MBNL2: variants seen among roughly 807,000 people sequenced by gnomAD.
MBNL2 encodes muscleblind like splicing regulator 2.
Under a neutral mutation model 41.9 loss-of-function variants are expected in MBNL2, and 17 were observed. The observed-to-expected ratio is 0.41, with a 90% confidence interval of 0.28 to 0.61. MBNL2 has a LOEUF of 0.61. MBNL2 is among the 20% of genes least tolerant of loss of function. MBNL2 has a pLI of 0.35. For missense variants in MBNL2, 336 were observed against 505.6 expected, an observed-to-expected ratio of 0.66 and a Z score of 3.22; for synonymous variants, 195 against 182.9, an observed-to-expected ratio of 1.07 and a Z score of -0.53.
chr13:97,234,366 C>T (rs1206706609), intron 1 of MBNL2, among the ~76,000 whole-genome samples: 1 of 152,158 alleles, frequency 6.6e-6, no homozygotes, highest in African/African-American at 2.4e-5. Context: ...TATATGCAAC[C>T]CAAGACACTG....
At chr13:97,232,158 T>G (rs1431206992) in intron 1 of MBNL2, among the ~76,000 whole-genome samples, 2 of 152,194 alleles carry the variant, frequency 1.3e-5, no homozygotes, top group East Asian at 1.9e-4. Context: ...CAGGCCTGAT[T>G]GTTGAGTCTC....
intron 1 of MBNL2, among the ~76,000 whole-genome samples, chr13:97,272,835 T>A (rs1037636636): frequency 6.6e-6 from 1 of 152,234 alleles, no homozygotes; most frequent in Non-Finnish European, 1.5e-5. Flanking sequence ...TCAATTCAAA[T>A]AAATACTTAA....
intron 8 of MBNL2, among the ~76,000 whole-genome samples, chr13:97,384,197 G>A (rs375124281): frequency 2.0e-5 from 3 of 151,948 alleles, no homozygotes; most frequent in Admixed American, 6.6e-5. Context: ...CACTGCACCC[G>A]GCCTATATTT....
intron 1 of MBNL2, among the ~76,000 whole-genome samples, chr13:97,271,112 G>GTT (rs369155404): frequency 2.0e-3 from 264 of 133,340 alleles, no homozygotes; most frequent in African/African-American, 6.7e-3. Flanking sequence ...GCTCTTTTTT[G>GTT]TTTTTTTTTT....
the MBNL2 span, among the ~76,000 whole-genome samples, chr13:97,160,877 G>A: frequency 6.6e-6 from 1 of 152,110 alleles, no homozygotes; most frequent in Non-Finnish European, 1.5e-5. Flanking sequence ...TATAGTTTGG[G>A]CAAAAGTGGA....
chr13:97,205,613 A>G, the MBNL2 span, among the ~76,000 whole-genome samples: 2 of 152,138 alleles, frequency 1.3e-5, no homozygotes, highest in Admixed American at 1.3e-4. Flanking sequence ...CCTTAGATCA[A>G]TTTTTCCTTG....
chr13:97,372,018 G>C (rs1202173711), intron 8 of MBNL2, among the ~76,000 whole-genome samples: 3 of 152,164 alleles, frequency 2.0e-5, no homozygotes, highest in Non-Finnish European at 2.9e-5. Context: ...ACAGGCTTCT[G>C]CTTAAAGGAA....
At chr13:97,210,646 G>A in the MBNL2 span, among the ~76,000 whole-genome samples, 1 of 128,520 alleles carries the variant, frequency 7.8e-6, no homozygotes, top group Non-Finnish European at 1.5e-5. Context: ...AGGCTGGAGT[G>A]CAGTGGTGCA....
chr13:97,333,606 C>G (rs541606311), intron 2 of MBNL2, among the ~76,000 whole-genome samples: 1 of 152,230 alleles, frequency 6.6e-6, no homozygotes, highest in African/African-American at 2.4e-5. Flanking sequence ...TGTATATCAC[C>G]AAGAAATGTC....
the MBNL2 span, among the ~76,000 whole-genome samples, chr13:97,151,075 G>A: frequency 6.6e-6 from 1 of 152,198 alleles, no homozygotes; most frequent in Non-Finnish European, 1.5e-5. Context: ...AAGAGGAGCA[G>A]GGGCAACAGA....
At chr13:97,228,593 A>C (rs964403735) in intron 1 of MBNL2, among the ~76,000 whole-genome samples, 12 of 139,104 alleles carry the variant, frequency 8.6e-5, no homozygotes, top group African/African-American at 3.0e-4. Context: ...CGGTGGCACT[A>C]TCTCAGCTCA....
chr13:97,267,230 T>C lies in MBNL2; in HGVS notation c.-604-8402T>C, dbSNP rs182978227. ...AAAGCCAGGCTTTCCAGACTCACCCTGCATAACTTAGCAGCTGCAAAAGAA... is the reference window on the plus strand; with the variant it reads ...AAAGCCAGGCTTTCCAGACTCACCCCGCATAACTTAGCAGCTGCAAAAGAA... On this transcript the variant is annotated intron_variant, in intron 1 of 8. Coordinates refer to ENST00000679496, the MANE Select transcript of MBNL2 (RefSeq NM_001382683.1). Among the ~76,000 whole-genome samples, 753 of 152,366 alleles carry C rather than the reference T, an allele frequency of 4.9e-3. 3 individuals are homozygous for C. The highest frequency in any genetic ancestry group is 7.9e-3 in the South Asian group (38 of 4,824).
chr13:97,301,697 C>A (rs2057639222), intron 2 of MBNL2, among the ~76,000 whole-genome samples: 1 of 152,186 alleles, frequency 6.6e-6, no homozygotes, highest in Admixed American at 6.5e-5. Flanking sequence ...GGGAAAGAAA[C>A]CCCACAAGTC....
chr13:97,184,623 C>A, the MBNL2 span, among the ~76,000 whole-genome samples: 1 of 152,210 alleles, frequency 6.6e-6, no homozygotes, highest in South Asian at 2.1e-4. Flanking sequence ...GCTGGGATTA[C>A]AGGCACCCAC....
intron 8 of MBNL2, among the ~76,000 whole-genome samples, chr13:97,369,268 C>T (rs2064144375): frequency 1.3e-5 from 2 of 152,110 alleles, no homozygotes; most frequent in African/African-American, 2.4e-5. Context: ...GAATCATACC[C>T]ACGTGGATTA....
intron 7 of MBNL2, among the ~76,000 whole-genome samples, chr13:97,363,418 C>CTA (rs1427263369): frequency 7.3e-6 from 1 of 136,646 alleles, no homozygotes; most frequent in African/African-American, 2.8e-5. Flanking sequence ...GAAAGAAAAA[C>CTA]TGTGTGTGTG....
chr13:97,347,638 A>G (rs2062010670), intron 5 of MBNL2, among the ~76,000 whole-genome samples: 1 of 152,198 alleles, frequency 6.6e-6, no homozygotes, highest in Non-Finnish European at 1.5e-5. Context: ...GAAACAGATG[A>G]AAGTGGAGCC....
At chr13:97,215,199 A>G in the MBNL2 span, among the ~76,000 whole-genome samples, 25 of 127,416 alleles carry the variant, frequency 2.0e-4, no homozygotes, top group Non-Finnish European at 4.6e-4. Context: ...AGGAGGCATG[A>G]TATGACCATC....
chr13:97,202,629 T>C, the MBNL2 span, among the ~76,000 whole-genome samples: 1 of 152,276 alleles, frequency 6.6e-6, no homozygotes, highest in Admixed American at 6.5e-5. Context: ...AAAATAAGTA[T>C]TAAATTAAAG....
Sources: allele counts gnomAD v4.1 joint callset (sites outside exome capture counted in the v4.1 genomes callset), GRCh38; gene constraint gnomAD v4.1.1; transcripts MANE v1.5; gene names NCBI Gene and HGNC (gene_info 2026-07-23, HGNC 2026-07-21).